SLC19A1: variants seen among roughly 807,000 people sequenced by gnomAD.
SLC19A1 encodes reduced folate transporter.
A neutral mutation model predicts 35.3 loss-of-function variants in SLC19A1; 37 were observed. The ratio of observed to expected loss-of-function variants is 1.05; its 90% CI spans 0.81 to 1.38. The LOEUF is 1.38. Among genes scored for constraint, SLC19A1 ranks in the 40% most tolerant of loss-of-function variants. SLC19A1 has a pLI of 0.00. For synonymous variants in SLC19A1, 460 were observed against 398.5 expected (o/e 1.15, Z -1.84); for missense variants, 831 against 826.9 (o/e 1.00, Z -0.06).
intron 5 of SLC19A1, among the ~76,000 whole-genome samples, chr21:45,524,159 G>A (rs879247983): frequency 1.5e-5 from 2 of 136,536 alleles, no homozygotes; most frequent in Non-Finnish European, 3.2e-5. Context: ...CCTGGGCCTT[G>A]GAGGCTCATC....
intron 3 of SLC19A1, chr21:45,507,087 A>T (rs1039461888): frequency 5.8e-6 from 2 of 346,502 alleles, no homozygotes; most frequent in African/African-American, 4.4e-5. Flanking sequence ...CTGGGCAGGG[A>T]GGGCAACCTG....
chr21:45,505,632 C>A (rs2037154138), intron 3 of SLC19A1, among the ~76,000 whole-genome samples: 1 of 152,176 alleles, frequency 6.6e-6, no homozygotes, highest in African/African-American at 2.4e-5. Flanking sequence ...CGGGAAGTGC[C>A]CAGGGCCTGT....
At chr21:45,529,675 ATG>A (rs1262054206) in intron 4 of SLC19A1, among the ~76,000 whole-genome samples, 2 of 150,016 alleles carry the variant, frequency 1.3e-5, no homozygotes, top group South Asian at 2.1e-4. Context: ...GTGTGTGTCC[ATG>A]TGTGAGCATG....
chr21:45,521,705 G>A (rs2077443243), intron 5 of SLC19A1, among the ~76,000 whole-genome samples: 1 of 152,166 alleles, frequency 6.6e-6, no homozygotes, highest in Admixed American at 6.5e-5. Context: ...CCCAGAAACA[G>A]ACTCACATAA....
In SLC19A1 at chr21:45,504,000, C is replaced by T. The variant is rs776311180; in HGVS notation, c.498-5388G>A. The T allele has an allele frequency of 1.9e-6, 3 of 1,609,308 alleles. No individual in the cohort carries two copies. The highest frequency in any genetic ancestry group is 1.4e-5 in the African/African-American group (1 of 71,144). ...CACCTCAGCGAGACCCCGCCTGTCT[C>T]TCTCTTGCAGGGCAGTTTCCGTTTG... On this transcript the variant is annotated intron_variant, in intron 3 of 4. Coordinates refer to the SLC19A1 transcript ENST00000417954.
downstream of SLC19A1, chr21:45,510,129 C>T (rs1274874966): frequency 2.5e-6 from 4 of 1,600,186 alleles, no homozygotes; most frequent in African/African-American, 2.7e-5. Context: ...GGGCCGACTT[C>T]CAGTGCTTCC....
At chr21:45,505,310 G>C (rs375708096) in intron 3 of SLC19A1, 12 of 1,603,734 alleles carry the variant, frequency 7.5e-6, no homozygotes, top group South Asian at 1.1e-5. Flanking sequence ...CCCGGGCAGA[G>C]GCCGCCTCGT....
chr21:45,512,444 G>GA, downstream of SLC19A1: 1 of 1,579,994 alleles, frequency 6.3e-7, no homozygotes, highest in Non-Finnish European at 8.6e-7. Context: ...CGGCTCGGAG[G>GA]AAGCCCCCAC....
chr21:45,511,099 T>C (rs1208862775), downstream of SLC19A1: 1 of 1,358,412 alleles, frequency 7.4e-7, no homozygotes, highest in East Asian at 2.8e-5. Flanking sequence ...ATACACACGG[T>C]TTCTCTTCCA....
chr21:45,515,670 A>T lies in SLC19A1; in HGVS notation c.1764T>A (p.Asn588Lys). The change falls in exon 6 of 6, where the codon AAT becomes AAA. Residue 588 changes from asparagine (N) to lysine (K), a missense_variant. Transcript: ENST00000311124. The stretch of plus-strand genomic sequence containing the variant: ...GGGCGCCCGAGAGTCACTGGTTCAC[A>T]TTCTGAACACCGTCGCTTGGAAGAC... The part of the protein sequence containing the change: ...LQCLPSDGVQ[N>K]VNQ The T allele has an allele frequency of 6.2e-7, 1 of 1,613,608 alleles. No individual in the cohort carries two copies. The highest frequency in any genetic ancestry group is 8.5e-7 in the Non-Finnish European group (1 of 1,179,996).
chr21:45,508,909 G>A (rs983276675), downstream of SLC19A1, among the ~76,000 whole-genome samples: 2 of 152,156 alleles, frequency 1.3e-5, no homozygotes, highest in African/African-American at 4.8e-5. Context: ...GGGGAAAGGT[G>A]CAGAATCAAT....
chr21:45,545,501 C>G (rs1414939063), upstream of SLC19A1, among the ~76,000 whole-genome samples: 2 of 152,036 alleles, frequency 1.3e-5, no homozygotes, highest in African/African-American at 2.4e-5. Context: ...TCCTGTACAG[C>G]CTGCAGAACC....
intron 2 of SLC19A1, 31 bp downstream of exon 2, chr21:45,537,740 G>A (rs1202222376): frequency 1.3e-5 from 2 of 157,220 alleles, no homozygotes; most frequent in Non-Finnish European, 2.4e-5. Flanking sequence ...CCACCCACAG[G>A]CGGCCGCCCG....
At chr21:45,511,885 C>T (rs563492696), downstream of SLC19A1, among the ~76,000 whole-genome samples, 1 of 152,318 alleles carries the variant, frequency 6.6e-6, no homozygotes, top group East Asian at 1.9e-4. Context: ...GAGGCAGCCA[C>T]AGGAAGCCTC....
At chr21:45,532,954 C>T (rs1412794174) in intron 2 of SLC19A1, among the ~76,000 whole-genome samples, 2 of 152,238 alleles carry the variant, frequency 1.3e-5, no homozygotes, top group African/African-American at 2.4e-5. Flanking sequence ...GGAAGAAAGA[C>T]AGGAAGGGGA....
At position 45,537,862 on chromosome 21, in the gene SLC19A1, C is replaced by T. The variant is rs1305433078; in HGVS notation, c.98G>A (p.Cys33Tyr). 6.2e-7 allele frequency: 1 copy of T among 1,607,856 alleles called. No individual in the cohort carries two copies. Among genetic ancestry groups the T allele is most frequent in the Admixed American group, 1.7e-5 (1 of 59,660 alleles). Residue 33 changes from cysteine (C) to tyrosine (Y), a missense_variant, in exon 2 of 6, where the codon TGC (cysteine) becomes TAC (tyrosine). By Grantham distance (194) the Cys-to-Tyr change is radical. Coordinates refer to ENST00000311124, the MANE Select transcript of SLC19A1 (RefSeq NM_194255.4). ...RSWRHLVCYLCFYGFMAQIRP... is the reference protein window; with the variant it reads ...RSWRHLVCYLYFYGFMAQIRP... Reference sequence around the variant, plus strand: ...TATCTGCGCCATGAAGCCGTAGAAGCAAAGGTAGCACACGAGGTGCCGCCA... The same window carrying T: ...TATCTGCGCCATGAAGCCGTAGAAGTAAAGGTAGCACACGAGGTGCCGCCA...
intron 1 of SLC19A1, among the ~76,000 whole-genome samples, chr21:45,553,544 CG>C (rs1382493156): frequency 2.0e-5 from 3 of 151,512 alleles, no homozygotes; most frequent in Non-Finnish European, 4.4e-5. Flanking sequence ...CACTGTTGTG[CG>C]GCCGTCACCC....
At chr21:45,505,598 G>T (rs1427515811) in intron 3 of SLC19A1, among the ~76,000 whole-genome samples, 2 of 152,124 alleles carry the variant, frequency 1.3e-5, no homozygotes, top group African/African-American at 4.8e-5. Context: ...GGAATCAGGT[G>T]GACCCAGGAG....
chr21:45,557,370 TCTCGTCTG>T (rs2078573713), intron 1 of SLC19A1, among the ~76,000 whole-genome samples: 1 of 152,150 alleles, frequency 6.6e-6, no homozygotes, highest in East Asian at 1.9e-4. Flanking sequence ...TCCTGAGGCT[TCTCGTCTG>T]CTCTGGGTGA....
Sources: allele counts gnomAD v4.1 joint callset (sites outside exome capture counted in the v4.1 genomes callset), GRCh38; gene constraint gnomAD v4.1.1; transcripts MANE v1.5; gene names NCBI Gene and HGNC (gene_info 2026-07-23, HGNC 2026-07-21).